The following ASIC2 variants were observed in gnomAD, a reference collection of about 807,000 sequenced individuals.
ASIC2 encodes acid sensing ion channel subunit 2, also known as acid-sensing ion channel 2.
Under a neutral mutation model 57.3 loss-of-function variants are expected in ASIC2, and 25 were observed. The ratio of observed to expected loss-of-function variants is 0.44; its 90% CI spans 0.32 to 0.61. ASIC2 has a LOEUF of 0.61. Among genes scored for constraint, ASIC2 ranks in the 20% least tolerant of loss-of-function variants. The pLI, the probability that ASIC2 is intolerant of heterozygous loss-of-function variation, is 0.06. For synonymous variants in ASIC2, 319 were observed against 307.5 expected (o/e 1.04, Z -0.39); for missense variants, 641 against 738.1 (o/e 0.87, Z 1.52).
chr17:33,117,578 G>C (rs1358603627), intron 1 of ASIC2, among the ~76,000 whole-genome samples: 3 of 152,184 alleles, frequency 2.0e-5, no homozygotes, highest in Admixed American at 1.3e-4. Context: ...ACAGTGCCAA[G>C]GGGTAGCAGA....
intron 1 of ASIC2, among the ~76,000 whole-genome samples, chr17:33,398,941 T>C (rs1416886019): frequency 6.6e-6 from 1 of 152,148 alleles, no homozygotes; most frequent in Admixed American, 6.6e-5. Flanking sequence ...TCTGGGAATT[T>C]GGGAGTCATA....
chr17:33,392,200 T>C (rs551988827), intron 1 of ASIC2, among the ~76,000 whole-genome samples: 1 of 120,176 alleles, frequency 8.3e-6, no homozygotes, highest in Non-Finnish European at 2.0e-5. Flanking sequence ...CCTTCCCTCC[T>C]TCCTTCCTTC....
intron 1 of ASIC2, among the ~76,000 whole-genome samples, chr17:33,985,783 A>C (rs1329370196): frequency 2.0e-5 from 3 of 152,208 alleles, no homozygotes; most frequent in Non-Finnish European, 4.4e-5. Flanking sequence ...AAAGCTGGTA[A>C]TGTAGAAGTC....
intron 1 of ASIC2, among the ~76,000 whole-genome samples, chr17:33,515,334 C>T (rs987447672): frequency 6.6e-6 from 1 of 152,280 alleles, no homozygotes; most frequent in Non-Finnish European, 1.5e-5. Flanking sequence ...CTATGGGGCG[C>T]TCAGGTGGGC....
At chr17:34,107,490 C>A (rs908378288) in intron 1 of ASIC2, among the ~76,000 whole-genome samples, 6 of 152,152 alleles carry the variant, frequency 3.9e-5, no homozygotes, top group African/African-American at 7.2e-5. Flanking sequence ...GCATGAGTGA[C>A]AGAGTAAGAT....
chr17:33,495,685 A>G (rs1238193192), intron 1 of ASIC2, among the ~76,000 whole-genome samples: 3 of 151,892 alleles, frequency 2.0e-5, no homozygotes, highest in Non-Finnish European at 2.9e-5. Context: ...CAGGCCCCCC[A>G]CCCTCCTGAA....
chr17:33,877,098 G>A (rs1022721598), intron 1 of ASIC2, among the ~76,000 whole-genome samples: 2 of 152,188 alleles, frequency 1.3e-5, no homozygotes, highest in Non-Finnish European at 2.9e-5. Context: ...TTTCTCCACA[G>A]TATGATATGC....
intron 1 of ASIC2, among the ~76,000 whole-genome samples, chr17:33,712,697 G>A (rs1217009637): frequency 7.5e-6 from 1 of 132,900 alleles, no homozygotes; most frequent in Non-Finnish European, 1.5e-5. Context: ...CCAGGCTGGA[G>A]TGCAGTGGCG....
At chr17:33,934,642 C>T (rs778257368) in intron 1 of ASIC2, among the ~76,000 whole-genome samples, 5 of 152,178 alleles carry the variant, frequency 3.3e-5, no homozygotes, top group Non-Finnish European at 7.3e-5. Context: ...CATTGCCTAC[C>T]GGGGAGTTCA....
At chr17:33,270,023 C>G (rs1012079544) in intron 1 of ASIC2, among the ~76,000 whole-genome samples, 2 of 152,174 alleles carry the variant, frequency 1.3e-5, no homozygotes, top group African/African-American at 2.4e-5. Flanking sequence ...ATGAGGGAAG[C>G]CTCCTGGGCC....
intron 7 of ASIC2, among the ~76,000 whole-genome samples, chr17:33,020,598 T>C (rs1314542055): frequency 6.6e-6 from 1 of 152,186 alleles, no homozygotes; most frequent in Non-Finnish European, 1.5e-5. Context: ...ATTAGCTGCC[T>C]GTATCCATCA....
intron 1 of ASIC2, among the ~76,000 whole-genome samples, chr17:33,881,402 C>A (rs557494193): frequency 5.9e-5 from 9 of 152,318 alleles, no homozygotes; most frequent in African/African-American, 2.2e-4. Context: ...TGATAGGCAA[C>A]TTCAGCAAAG....
intron 1 of ASIC2, among the ~76,000 whole-genome samples, chr17:33,642,955 C>T (rs1238155510): frequency 6.6e-6 from 1 of 152,208 alleles, no homozygotes; most frequent in Non-Finnish European, 1.5e-5. Context: ...TGGCTAAGCA[C>T]ACTAATTTGT....
rs185278720 is a variant in ASIC2, at chr17:33,237,436, C to T, written c.708+53972G>A. ...CATGATCTCAGCTCACCGCAACTTC[C>T]GCCTCCTGGGTTCAAGTGATTCTCC... On this transcript the variant is annotated intron_variant, in intron 1 of 9. Transcript: ENST00000225823. 1.2e-4 allele frequency among the ~76,000 whole-genome samples: 19 copies of T among 152,024 alleles called. No individual in the cohort carries two copies. In the East Asian group the frequency reaches 2.9e-3, roughly 23 times the overall value.
At chr17:33,610,168 G>GT (rs1567668451) in intron 1 of ASIC2, among the ~76,000 whole-genome samples, 1 of 152,052 alleles carries the variant, frequency 6.6e-6, no homozygotes. Context: ...TTTTGCCTCT[G>GT]TTTTTTTGAG....
At chr17:33,021,886 C>T (rs1480688706) in intron 6 of ASIC2, among the ~76,000 whole-genome samples, 4 of 152,234 alleles carry the variant, frequency 2.6e-5, no homozygotes, top group African/African-American at 9.6e-5. Flanking sequence ...GCTTGCTTTG[C>T]TCCTTTGGGC....
chr17:33,625,141 A>G (rs575001614), intron 1 of ASIC2, among the ~76,000 whole-genome samples: 121 of 150,364 alleles, frequency 8.0e-4, no homozygotes, highest in Admixed American at 1.3e-3. Flanking sequence ...CTATCTATCT[A>G]TCTATCTATC....
intron 1 of ASIC2, among the ~76,000 whole-genome samples, chr17:33,771,628 G>A (rs1170955894): frequency 2.0e-5 from 3 of 152,104 alleles, no homozygotes; most frequent in Non-Finnish European, 4.4e-5. Flanking sequence ...GGCCTGCAGG[G>A]CCTTTTCCCT....
chr17:34,117,752 G>A (rs1911471135), intron 1 of ASIC2, among the ~76,000 whole-genome samples: 1 of 152,150 alleles, frequency 6.6e-6, no homozygotes, highest in Admixed American at 6.5e-5. Context: ...GCCTTAACAA[G>A]GAGGGAAGAG....
Sources: allele counts gnomAD v4.1 joint callset (sites outside exome capture counted in the v4.1 genomes callset), GRCh38; gene constraint gnomAD v4.1.1; transcripts MANE v1.5; gene names NCBI Gene and HGNC (gene_info 2026-07-23, HGNC 2026-07-21).